ARHGAP6: variants seen among roughly 807,000 people sequenced by gnomAD.
ARHGAP6 encodes the protein Rho GTPase activating protein 6.
A neutral mutation model predicts 55.7 loss-of-function variants in ARHGAP6; 16 were observed. The observed-to-expected ratio is 0.29, with a 90% CI of 0.19 to 0.44. The LOEUF is 0.44. Ranked by LOEUF, ARHGAP6 falls within the 20% of genes least tolerant of loss-of-function variation. ARHGAP6 has a pLI of 1.00. For synonymous variants in ARHGAP6, 382 were observed against 360.9 expected (o/e 1.06, Z -0.66); for missense variants, 698 against 808.9 (o/e 0.86, Z 1.66).
chrX:11,318,755 T>C (rs1333008072), intron 1 of ARHGAP6: 1 of 113,277 alleles, frequency 8.8e-6, no homozygotes, highest in African/African-American at 3.2e-5. Context: ...TTCTGAAAAA[T>C]GGACCAATAT....
At chrX:11,522,101 A>G (rs2050935726) in intron 1 of ARHGAP6, among the ~76,000 whole-genome samples, 1 of 111,876 alleles carries the variant, frequency 8.9e-6, no homozygotes, top group African/African-American at 3.2e-5. Flanking sequence ...CCGCCCAACT[A>G]CATGGAAACT....
rs1336274664 is a variant in ARHGAP6, at chrX:11,228,592, G to T, written c.748+25956C>A. ...GTCAACTTAAAAAATACATCACCGT[G>T]TTCCAAAATAAAATTGTGTCGGAGA... is the stretch of plus-strand genomic sequence containing the variant. On this transcript the variant is annotated intron_variant, in intron 2 of 12. Coordinates refer to ENST00000337414, the MANE Select transcript of ARHGAP6 (RefSeq NM_013427.3). Among the ~76,000 whole-genome samples the T allele has an allele frequency of 3.6e-5, 4 of 111,952 alleles. No individual in the cohort carries two copies. The Admixed American group carries it at 3.8e-4, about 11-fold the overall frequency.
chrX:11,254,648 G>A lies in ARHGAP6; in HGVS notation c.648C>T (p.Ile216=). 1 of 1,205,234 alleles carries A rather than the reference G, an allele frequency of 8.3e-7. No homozygotes were observed. The highest frequency in any genetic ancestry group is 1.8e-5 in the South Asian group (1 of 56,556). The change falls in exon 2 of 13, where the codon ATC becomes ATT. Residue 216 remains isoleucine, a synonymous_variant. Transcript: ENST00000337414. The part of the protein sequence containing the change: ...GRSVRLRSVP[I]QSLSELERAR... The stretch of plus-strand genomic sequence containing the variant: ...CCCTCTCCAGCTCTGAGAGACTCTG[G>A]ATGGGGACTGACCTCAGCCGTACAC...
intron 1 of ARHGAP6, among the ~76,000 whole-genome samples, chrX:11,277,246 T>C (rs1361087041): frequency 8.9e-6 from 1 of 111,970 alleles, no homozygotes; most frequent in Non-Finnish European, 1.9e-5. Flanking sequence ...ATTCACTGTA[T>C]AGATATACTA....
chrX:11,606,053 T>C, intron 1 of ARHGAP6, among the ~76,000 whole-genome samples: 1 of 111,258 alleles, frequency 9.0e-6, no homozygotes, highest in Non-Finnish European at 1.9e-5. Context: ...AGGAAAGAAA[T>C]TATGCAAAGG....
chrX:11,589,044 AT>A (rs200264647), intron 1 of ARHGAP6, among the ~76,000 whole-genome samples: 79 of 96,450 alleles, frequency 8.2e-4, no homozygotes, highest in South Asian at 1.4e-3. Flanking sequence ...CTGCATTGGA[AT>A]TTTTTTTTTT....
intron 1 of ARHGAP6, among the ~76,000 whole-genome samples, chrX:11,344,128 C>T (rs2032320629): frequency 1.8e-5 from 2 of 111,515 alleles, no homozygotes; most frequent in Admixed American, 1.9e-4. Context: ...CAGCTTAAAT[C>T]AGGGTTACTC....
chrX:11,590,775 C>CAAACAGAAAA (rs1216907403), intron 1 of ARHGAP6, among the ~76,000 whole-genome samples: 3 of 10,723 alleles, frequency 2.8e-4, no homozygotes, highest in African/African-American at 1.5e-3. Flanking sequence ...GACTCCATCT[C>CAAACAGAAAA]GAAAAGAAAA....
intron 10 of ARHGAP6, among the ~76,000 whole-genome samples, chrX:11,147,932 G>A (rs1055266437): frequency 2.7e-5 from 3 of 112,059 alleles, no homozygotes; most frequent in African/African-American, 9.8e-5. Flanking sequence ...CCAGGACCAG[G>A]GTGCCTGATG....
chrX:11,371,981 A>G (rs760766129), intron 1 of ARHGAP6, among the ~76,000 whole-genome samples: 5 of 112,567 alleles, frequency 4.4e-5, no homozygotes, highest in Non-Finnish European at 9.4e-5. Context: ...CCCAAATGAA[A>G]AAATATATAT....
chrX:11,353,924 T>G (rs970321886), intron 1 of ARHGAP6, among the ~76,000 whole-genome samples: 1 of 111,061 alleles, frequency 9.0e-6, no homozygotes, highest in African/African-American at 3.3e-5. Context: ...CAGGCAAACT[T>G]TTCATGCAAA....
Position 11,556,819 on chromosome X carries a change from C to T in ARHGAP6, c.588+107422G>A, listed in dbSNP as rs374250480. 1.7e-4 allele frequency among the ~76,000 whole-genome samples: 19 copies of T among 111,727 alleles called. No homozygotes were observed. The East Asian group carries it at 5.0e-3, about 30-fold the overall frequency. On this transcript the variant is annotated intron_variant, in intron 1 of 12. Transcript: ENST00000337414. ...TCTAGAATATCCTGTTCATTCCTTC[C>T]TATGTTATATTTTCTGTTTATGTAA...
At chrX:11,299,664 G>T (rs1466679949) in intron 1 of ARHGAP6, among the ~76,000 whole-genome samples, 1 of 111,884 alleles carries the variant, frequency 8.9e-6, no homozygotes, top group East Asian at 2.8e-4. Context: ...CATCCATAAA[G>T]TCTTACTTCT....
At chrX:11,363,245 C>T (rs1442290471) in intron 1 of ARHGAP6, among the ~76,000 whole-genome samples, 3 of 111,862 alleles carry the variant, frequency 2.7e-5, no homozygotes, top group South Asian at 3.7e-4. Flanking sequence ...AAGAAACCCA[C>T]GTGCATGGTG....
intron 1 of ARHGAP6, among the ~76,000 whole-genome samples, chrX:11,277,138 G>C (rs190725233): frequency 1.8e-5 from 2 of 111,472 alleles, no homozygotes; most frequent in Admixed American, 1.9e-4. Context: ...ATAATATGTG[G>C]GCTTTTTGTG....
intron 1 of ARHGAP6, among the ~76,000 whole-genome samples, chrX:11,484,272 A>G (rs1381756082): frequency 9.1e-6 from 1 of 110,027 alleles, no homozygotes; most frequent in African/African-American, 3.3e-5. Flanking sequence ...TGTCCAAAAA[A>G]GAGAGGAGGG....
intron 2 of ARHGAP6, among the ~76,000 whole-genome samples, chrX:11,204,810 T>TA (rs1430987009): frequency 1.8e-5 from 2 of 111,763 alleles, no homozygotes; most frequent in Admixed American, 9.5e-5. Flanking sequence ...ATTTAATTGG[T>TA]AAAAAACTCC....
chrX:11,504,046 C>A (rs1003291639), intron 1 of ARHGAP6, among the ~76,000 whole-genome samples: 2 of 106,414 alleles, frequency 1.9e-5, no homozygotes, highest in African/African-American at 3.6e-5. Context: ...AGTTATGTAT[C>A]AATTTTTTTT....
intron 10 of ARHGAP6, among the ~76,000 whole-genome samples, chrX:11,155,424 C>T (rs12011497): frequency 3.5e-4 from 39 of 111,132 alleles, no homozygotes; most frequent in Non-Finnish European, 4.0e-4. Flanking sequence ...CTCAGCCTCA[C>T]GAGTAGCTGG....
Sources: gnomAD v4.1 joint callset for allele counts (sites outside exome capture counted in the v4.1 genomes callset) on GRCh38, gnomAD v4.1.1 for gene constraint, MANE v1.5 for transcripts, NCBI Gene and HGNC (gene_info 2026-07-23, HGNC 2026-07-21) for gene names.